The following NBPF20 variants were observed in gnomAD, a reference collection of about 807,000 sequenced individuals.
NBPF20 encodes NBPF member 20.
NBPF20 carries 90 observed loss-of-function variants against 68.1 expected under a neutral mutation model. That is an observed-to-expected ratio of 1.32 (90% CI 1.11 to 1.58). The LOEUF is 1.58. Ranked by LOEUF, NBPF20 falls within the 40% of genes most tolerant of loss-of-function variation. NBPF20 has a pLI of 0.00. For synonymous variants in NBPF20, 290 were observed against 228.1 expected, an observed-to-expected ratio of 1.27 and a Z score of -2.45; for missense variants, 816 against 601.2, an observed-to-expected ratio of 1.36 and a Z score of -3.74.
At chr1:145,400,006 T>C (rs1662439472) in intron 6 of NBPF20, among the ~76,000 whole-genome samples, 1 of 152,122 alleles carries the variant, frequency 6.6e-6, no homozygotes, top group African/African-American at 2.4e-5. Context: ...GAACAATATT[T>C]CCAAATACAA....
Position 145,394,961 on chromosome 1 carries a change from C to T in NBPF20, c.991+17G>A. The T allele has an allele frequency of 1.2e-6, 2 of 1,612,006 alleles. No homozygotes were observed. Among genetic ancestry groups the T allele is most frequent in the Non-Finnish European group, 1.7e-6 (2 of 1,179,824 alleles). On this transcript the variant is annotated intron_variant, in intron 8 of 137. Transcript: ENST00000369373. ...CCATGAACTGGAGCTTTATCACCTT[C>T]ACAGTGTAGTACTCACTGCCTATGT... is the stretch of plus-strand genomic sequence containing the variant.
At chr1:145,396,811 C>G (rs1348228384) in intron 7 of NBPF20, among the ~76,000 whole-genome samples, 3 of 146,968 alleles carry the variant, frequency 2.0e-5, no homozygotes, top group Non-Finnish European at 3.0e-5. Flanking sequence ...GGTACATGTG[C>G]ACAACGTGCA....
chr1:145,394,766 G>A (rs1296093763), intron 8 of NBPF20, among the ~76,000 whole-genome samples: 2 of 152,102 alleles, frequency 1.3e-5, no homozygotes. Flanking sequence ...CACGGGCATG[G>A]CCTGAGACTA....
chr1:145,398,808 A>G (rs1239650791), intron 7 of NBPF20, among the ~76,000 whole-genome samples: 1 of 151,302 alleles, frequency 6.6e-6, no homozygotes, highest in African/African-American at 2.4e-5. Context: ...GAAAAGATCA[A>G]CAAGAAAACC....
Position 145,393,755 on chromosome 1 carries a change from A to G in NBPF20, c.1043+129T>C, listed in dbSNP as rs1340547206. ...GTACTCTAATGAGAACCAGAAAGCA[A>G]TGTAGTAGGCATAATTCAGACTTGT... On this transcript the variant is annotated intron_variant, in intron 9 of 137. Coordinates refer to ENST00000369373, the Ensembl canonical transcript of NBPF20. 507 of 1,510,596 alleles carry G rather than the reference A, an allele frequency of 3.4e-4. 2 individuals are homozygous for G. The African/African-American group carries it at 6.0e-3, about 18-fold the overall frequency. The allele number at this position is 1,510,596 out of a possible 1,614,324, so 93.6% of individuals were successfully genotyped here. A position where few individuals can be genotyped will look rare whatever the true frequency, so the allele number is the denominator to read the frequency against.
chr1:145,395,594 C>A (rs1287500938), intron 7 of NBPF20, among the ~76,000 whole-genome samples: 2 of 149,734 alleles, frequency 1.3e-5, no homozygotes, highest in Non-Finnish European at 2.9e-5. Flanking sequence ...AATTTCTTTT[C>A]TTGCAAAAAT....
chr1:145,291,885 T>A (rs1320353831), intron 137 of NBPF20, 116 bp from the exon 143 acceptor site: 41 of 1,583,664 alleles, frequency 2.6e-5, no homozygotes, highest in Non-Finnish European at 3.2e-5. Context: ...GATAGATCCA[T>A]TAATGAGGTA....
At chr1:145,405,448 G>A in exon 1 of NBPF20, 1 of 1,564,458 alleles carries the variant, frequency 6.4e-7, no homozygotes, top group Non-Finnish European at 8.6e-7. Context: ...AGCACTTTAG[G>A]ATCCTTCACC....
At chr1:145,402,533 G>T (rs1316049672) in intron 3 of NBPF20, among the ~76,000 whole-genome samples, 152 bp from the exon 9 acceptor site, 1 of 151,946 alleles carries the variant, frequency 6.6e-6, no homozygotes, top group Admixed American at 6.6e-5. Flanking sequence ...CCAAGAGAAA[G>T]AATAGAAAAT....
chr1:145,291,800 C>G (rs781968575), intron 137 of NBPF20, 31 bp from the exon 143 acceptor site: 10 of 1,611,542 alleles, frequency 6.2e-6, no homozygotes, highest in East Asian at 4.5e-5. Context: ...AAAGAAGCAG[C>G]CAGGGAAAAT....
At chr1:145,396,709 T>C (rs1417875862) in intron 7 of NBPF20, among the ~76,000 whole-genome samples, 8 of 148,356 alleles carry the variant, frequency 5.4e-5, no homozygotes, top group Admixed American at 1.3e-4. Context: ...ACATTCTTTT[T>C]TTTTTCCATA....
rs1553249235 is a variant in NBPF20, at chr1:145,400,961, T to C, written c.566+98A>G. ...TTCACATACTGTGGCCAAGCAAATG[T>C]GGGTTTTTGGCCGATCATAGATGCC... On this transcript the variant is annotated intron_variant, in intron 5 of 137. Transcript: ENST00000369373. 9.6e-3 allele frequency: 13,821 copies of C among 1,441,866 alleles called. 1,140 individuals are homozygous for C. In the African/African-American group the frequency reaches 0.17, roughly 18 times the overall value. 89.3% of individuals were successfully genotyped at this position (1,441,866 alleles called of 1,614,324 possible).
intron 43 of NBPF20, among the ~76,000 whole-genome samples, chr1:145,366,605 C>A (rs1314164058): frequency 2.3e-5 from 2 of 88,768 alleles, no homozygotes; most frequent in Non-Finnish European, 4.5e-5. Flanking sequence ...CACACACACA[C>A]ACAGAGAGAA....
At chr1:145,395,784 C>A (rs1185007207) in intron 7 of NBPF20, among the ~76,000 whole-genome samples, 7 of 148,542 alleles carry the variant, frequency 4.7e-5, no homozygotes, top group Non-Finnish European at 8.8e-5. Context: ...GGAAAACTAA[C>A]ACACAGAAAG....
At chr1:145,292,120 A>G (rs587643175) in intron 137 of NBPF20, among the ~76,000 whole-genome samples, 1 of 149,936 alleles carries the variant, frequency 6.7e-6, no homozygotes, top group South Asian at 2.1e-4. Context: ...ATAGTTTTCC[A>G]TAAAATATGC....
chr1:145,424,516 G>C, the NBPF20 span, among the ~76,000 whole-genome samples: 1 of 152,158 alleles, frequency 6.6e-6, no homozygotes, highest in South Asian at 2.1e-4. Context: ...GTGAAGCACT[G>C]GGATTCATTC....
At chr1:145,421,910 T>C in the NBPF20 span, among the ~76,000 whole-genome samples, 25 of 152,142 alleles carry the variant, frequency 1.6e-4, no homozygotes, top group East Asian at 4.8e-3. Flanking sequence ...TAGTGGTGCA[T>C]GCCTGTAGAC....
At chr1:145,398,435 G>T (rs1220572158) in intron 7 of NBPF20, among the ~76,000 whole-genome samples, 5 of 151,962 alleles carry the variant, frequency 3.3e-5, no homozygotes, top group East Asian at 1.9e-4. Flanking sequence ...ACTCAAAACC[G>T]CACAACTACA....
upstream of NBPF20, among the ~76,000 whole-genome samples, chr1:145,410,185 T>C (rs1305662336): frequency 1.3e-5 from 2 of 152,052 alleles, no homozygotes; most frequent in East Asian, 3.8e-4. Context: ...CAACAGGTGC[T>C]ATTTTCAGCC....
Sources: allele counts gnomAD v4.1 joint callset (sites outside exome capture counted in the v4.1 genomes callset), GRCh38; gene constraint gnomAD v4.1.1; transcripts MANE v1.5; gene names NCBI Gene and HGNC (gene_info 2026-07-23, HGNC 2026-07-21).